QPCT: variants seen among roughly 807,000 people sequenced by gnomAD.
QPCT encodes the protein glutaminyl-peptide cyclotransferase.
In QPCT, 44 loss-of-function variants were observed where a neutral mutation model predicts 43.4. The observed-to-expected ratio is 1.01, with a 90% CI of 0.80 to 1.30. QPCT has a LOEUF of 1.30. Among genes scored for constraint, QPCT ranks in the 50% most tolerant of loss-of-function variants. QPCT has a pLI of 0.00. For missense variants in QPCT, 526 were observed against 436.5 expected (o/e 1.21, Z -1.83); for synonymous variants, 168 against 168.4 (o/e 1.00, Z 0.02).
At chr2:37,371,915 G>C (rs952024299) in intron 5 of QPCT, among the ~76,000 whole-genome samples, 1 of 152,106 alleles carries the variant, frequency 6.6e-6, no homozygotes, top group Admixed American at 6.6e-5. Flanking sequence ...CCATAGAGTG[G>C]CCACTTGATA....
rs1230064222 is a variant in QPCT, at chr2:37,367,394, C to T, written c.709C>T (p.Gln237Ter). 6.2e-7 allele frequency: 1 copy of T among 1,613,600 alleles called. No homozygotes were observed. Among genetic ancestry groups the T allele is most frequent in the Non-Finnish European group, 8.5e-7 (1 of 1,179,778 alleles). The change falls in exon 4 of 7, where the codon CAA (glutamine) becomes TAA (stop). Residue 237 changes from glutamine to a stop codon, truncating the protein, a stop_gained. Coordinates refer to ENST00000338415, the MANE Select transcript of QPCT (RefSeq NM_012413.4). LOFTEE classifies it high-confidence loss of function. ...CCCACCTGGAGCGAGAGGCACCAGCCAACTGCATGGCATGGTTAGTCTGGG... is the reference window on the plus strand; with the variant it reads ...CCCACCTGGAGCGAGAGGCACCAGCTAACTGCATGGCATGGTTAGTCTGGG... ...PHPPGARGTS[Q>*]LHGMDLLVLL...
chr2:37,367,215 ATTG>A lies in QPCT; in HGVS notation c.547-11_547-9del, dbSNP rs776033797. On this transcript the variant is annotated splice_polypyrimidine_tract_variant and intron_variant, in intron 3 of 6. Coordinates refer to ENST00000338415, the MANE Select transcript of QPCT (RefSeq NM_012413.4). ...CACAGTATTTTTTTGCTATGTTTTT[ATTG>A]TTGTTTTTACCAGACTGTTTCAGAC... is the stretch of plus-strand genomic sequence containing the variant. The A allele has an allele frequency of 1.4e-5, 22 of 1,594,576 alleles. No homozygotes were observed. The South Asian group carries it at 2.1e-4, about 16-fold the overall frequency.
At chr2:37,355,075 T>C (rs546572370) in intron 2 of QPCT, among the ~76,000 whole-genome samples, 24 of 152,260 alleles carry the variant, frequency 1.6e-4, no homozygotes, top group African/African-American at 5.5e-4. Context: ...TCCACTATCA[T>C]ATGGGGGTGG....
chr2:37,364,908 GTAT>G (rs1672931760), intron 3 of QPCT, among the ~76,000 whole-genome samples: 1 of 150,582 alleles, frequency 6.6e-6, no homozygotes, highest in South Asian at 2.1e-4. Flanking sequence ...TTGTGTGTGT[GTAT>G]TATTATAATA....
intron 2 of QPCT, among the ~76,000 whole-genome samples, chr2:37,354,219 T>C (rs1463494550): frequency 2.0e-5 from 3 of 152,188 alleles, no homozygotes; most frequent in Non-Finnish European, 4.4e-5. Context: ...AGCCTAGATA[T>C]CCATATGTCT....
chr2:37,359,602 G>A lies in QPCT; in HGVS notation c.290G>A (p.Arg97Lys). 4.3e-6 allele frequency: 7 copies of A among 1,614,080 alleles called. No homozygotes were observed. Among genetic ancestry groups the A allele is most frequent in the Non-Finnish European group, 5.9e-6 (7 of 1,179,986 alleles). ...CAGCACATCATGCAGCGAATTCAGA[G>A]GCTTCAGGCTGACTGGGTCTTGGAA... ...ARQHIMQRIQ[R>K]LQADWVLEID... is the part of the protein sequence containing the mutation. The change falls in exon 3 of 7, where the codon AGG becomes AAG. Residue 97 changes from arginine (R) to lysine (K), a missense_variant. Physicochemically the swap from Arg to Lys is conservative, Grantham distance 26. Transcript: ENST00000338415.
At chr2:37,353,826 G>C (rs1403873958) in intron 2 of QPCT, among the ~76,000 whole-genome samples, 2 of 152,194 alleles carry the variant, frequency 1.3e-5, no homozygotes, top group African/African-American at 4.8e-5. Context: ...ACCCACTGCT[G>C]TGCCTAGATT....
In QPCT at chr2:37,367,293, CT is replaced by C. The variant is rs866218932; in HGVS notation, c.612del (p.Leu205PhefsTer15). 6.2e-7 allele frequency: 1 copy of C among 1,613,846 alleles called. No individual in the cohort carries two copies. Among genetic ancestry groups the C allele is most frequent in the African/African-American group, 1.3e-5 (1 of 74,890 alleles). On this transcript the variant is annotated frameshift_variant, in exon 4 of 7. Coordinates refer to ENST00000338415, the MANE Select transcript of QPCT (RefSeq NM_012413.4). LOFTEE classifies it high-confidence loss of function. ...CTGATCTTCTTTGATGGTGAAGAGG[CT>C]TTTCTTCACTGGTCTCCTCAAGATT... Reference protein sequence around the residue: ...LQLIFFDGEEAFLHWSPQDSL... With the variant: ...LQLIFFDGEEXFLHWSPQDSL...
In QPCT at chr2:37,344,793, C is replaced by T; in HGVS notation, c.62C>T (p.Ala21Val). 1 of 1,609,816 alleles carries T rather than the reference C, an allele frequency of 6.2e-7. No individual in the cohort carries two copies. Among genetic ancestry groups the T allele is most frequent in the African/African-American group, 1.3e-5 (1 of 74,768 alleles). ...CTCCACCTGCTGCTGCTGGTGGCCG[C>T]CCTGCCCTGGGCATCCAGGGGGGTC... ...GTLHLLLLVA[A>V]LPWASRGVSP... Residue 21 changes from alanine to valine, a missense_variant, in exon 1 of 7, where the codon GCC (alanine) becomes GTC (valine). Ala to Val is a moderately conservative substitution (Grantham distance 64, BLOSUM62 0). Transcript: ENST00000338415.
intron 2 of QPCT, among the ~76,000 whole-genome samples, chr2:37,354,045 A>G (rs1333206846): frequency 6.6e-6 from 1 of 152,164 alleles, no homozygotes; most frequent in Non-Finnish European, 1.5e-5. Context: ...TTGTATTTTT[A>G]GTAGAGACAG....
chr2:37,364,831 C>A (rs1028531380), intron 3 of QPCT, among the ~76,000 whole-genome samples: 5 of 151,760 alleles, frequency 3.3e-5, no homozygotes, highest in Non-Finnish European at 7.4e-5. Context: ...GTCTGGAGAT[C>A]GGCAGTGAAG....
intron 2 of QPCT, chr2:37,358,576 G>A (rs1291437313): frequency 6.6e-6 from 1 of 152,232 alleles, no homozygotes; most frequent in Non-Finnish European, 1.5e-5. Context: ...ACATCGTGAA[G>A]TCTATAATAT....
intron 3 of QPCT, among the ~76,000 whole-genome samples, chr2:37,362,916 G>A (rs538378479): frequency 1.3e-5 from 2 of 151,664 alleles, no homozygotes; most frequent in Non-Finnish European, 2.9e-5. Context: ...GTGCCCCCTT[G>A]TGCCTTTGCC....
At position 37,359,704 on chromosome 2, in the gene QPCT, C is replaced by T. The variant is rs188822415; in HGVS notation, c.392C>T (p.Ala131Val). Reference sequence around the variant, plus strand: ...ATCATCAGCACCCTCAATCCCACTGCTAAACGACATTTGGTCCTCGCCTGC... The same window carrying T: ...ATCATCAGCACCCTCAATCCCACTGTTAAACGACATTTGGTCCTCGCCTGC... ...SNIISTLNPTAKRHLVLACHY... is the reference protein window; with the variant it reads ...SNIISTLNPTVKRHLVLACHY... Residue 131 changes from alanine (A) to valine (V), a missense_variant, in exon 3 of 7, where the codon GCT becomes GTT. Ala to Val is a moderately conservative substitution (Grantham distance 64). Transcript: ENST00000338415. 1.2e-6 allele frequency: 2 copies of T among 1,614,152 alleles called. No individual in the cohort carries two copies. The highest frequency in any genetic ancestry group is 1.7e-6 in the Non-Finnish European group (2 of 1,180,006).
At chr2:37,350,354 A>C (rs988583569) in intron 1 of QPCT, among the ~76,000 whole-genome samples, 2 of 152,212 alleles carry the variant, frequency 1.3e-5, no homozygotes, top group Non-Finnish European at 1.5e-5. Context: ...ATCCCTTCGC[A>C]CATTTCTATT....
At chr2:37,372,233 G>C in intron 5 of QPCT, 123 bp from the exon 6 acceptor site, 2 of 751,298 alleles carry the variant, frequency 2.7e-6, no homozygotes, top group Non-Finnish European at 2.4e-6. Context: ...GCTTGCTGTT[G>C]CATAATCTTT....
In QPCT at chr2:37,369,696, C is replaced by A; in HGVS notation, c.735C>A (p.Val245=). The A allele has an allele frequency of 6.3e-7, 1 of 1,596,620 alleles. No individual in the cohort carries two copies. Among genetic ancestry groups the A allele is most frequent in the Non-Finnish European group, 8.6e-7 (1 of 1,164,094 alleles). The change falls in exon 5 of 7, where the codon GTC becomes GTA. Residue 245 remains valine, a synonymous_variant. Transcript: ENST00000338415. The part of the protein sequence containing the change: ...TSQLHGMDLL[V]LLDLIGAPNP... ...TTTTTCTCCCTCAGGATTTATTGGT[C>A]TTATTGGATTTGATTGGAGCTCCAA...
chr2:37,347,144 T>TTTTATA (rs1389307350), intron 1 of QPCT, among the ~76,000 whole-genome samples: 1 of 55,344 alleles, frequency 1.8e-5, no homozygotes, highest in Admixed American at 3.3e-4. Flanking sequence ...ATGGGGTGTT[T>TTTTATA]TATATATATA....
chr2:37,368,384 G>A (rs575544027), intron 4 of QPCT: 5 of 180,384 alleles, frequency 2.8e-5, no homozygotes, highest in African/African-American at 1.1e-4. Flanking sequence ...CTGTCCCCAC[G>A]TCTTCACTAA....
Sources: allele counts gnomAD v4.1 joint callset (sites outside exome capture counted in the v4.1 genomes callset), GRCh38; gene constraint gnomAD v4.1.1; transcripts MANE v1.5; gene names NCBI Gene and HGNC (gene_info 2026-07-23, HGNC 2026-07-21).